The following NALF1 variants were observed in gnomAD, a reference collection of about 807,000 sequenced individuals.
The protein encoded by NALF1 is NALCN channel auxiliary factor 1.
NALF1 carries 3 observed loss-of-function variants against 48.4 expected under a neutral mutation model. That is an observed-to-expected ratio of 0.06 (90% CI 0.03 to 0.16). The LOEUF is 0.16. Ranked by LOEUF, NALF1 falls within the 10% of genes least tolerant of loss-of-function variation. NALF1 has a pLI of 1.00. For synonymous variants in NALF1, 262 were observed against 245.7 expected (o/e 1.07, Z -0.62); for missense variants, 526 against 571.5 (o/e 0.92, Z 0.81).
chr13:107,623,525 A>G (rs1879588228), intron 1 of NALF1, among the ~76,000 whole-genome samples: 1 of 152,168 alleles, frequency 6.6e-6, no homozygotes, highest in Non-Finnish European at 1.5e-5. Context: ...AAGACTTTTA[A>G]GGTCAGAAAT....
At chr13:107,596,291 T>C (rs753942559) in intron 1 of NALF1, among the ~76,000 whole-genome samples, 89 of 152,268 alleles carry the variant, frequency 5.8e-4, no homozygotes, top group Middle Eastern at 3.4e-3. Flanking sequence ...GAATCAGAAA[T>C]ACCATTTGGC....
At chr13:107,292,259 T>C (rs1881635895) in intron 1 of NALF1, among the ~76,000 whole-genome samples, 1 of 152,174 alleles carries the variant, frequency 6.6e-6, no homozygotes, top group Non-Finnish European at 1.5e-5. Flanking sequence ...CTGATACACC[T>C]GTATAGGGCA....
At chr13:107,439,822 A>G (rs1417813439) in intron 1 of NALF1, among the ~76,000 whole-genome samples, 1 of 152,184 alleles carries the variant, frequency 6.6e-6, no homozygotes, top group African/African-American at 2.4e-5. Context: ...GCCAAAGTCA[A>G]TAAATTTACC....
intron 1 of NALF1, among the ~76,000 whole-genome samples, chr13:107,426,823 T>G (rs1264184751): frequency 6.6e-6 from 1 of 152,136 alleles, no homozygotes; most frequent in Non-Finnish European, 1.5e-5. Flanking sequence ...AGCATACTGC[T>G]TGGAAAAACT....
At chr13:107,300,814 G>A (rs939959482) in intron 1 of NALF1, among the ~76,000 whole-genome samples, 1 of 152,132 alleles carries the variant, frequency 6.6e-6, no homozygotes, top group Non-Finnish European at 1.5e-5. Context: ...GGTTTAAAAT[G>A]TATTAGCTAA....
At chr13:107,399,879 C>A (rs541095670) in intron 1 of NALF1, among the ~76,000 whole-genome samples, 2 of 152,044 alleles carry the variant, frequency 1.3e-5, no homozygotes, top group African/African-American at 4.8e-5. Context: ...ATTCTGTGTA[C>A]CATATTGTTG....
At chr13:107,542,844 A>G (rs1877033705) in intron 1 of NALF1, among the ~76,000 whole-genome samples, 1 of 152,106 alleles carries the variant, frequency 6.6e-6, no homozygotes, top group Non-Finnish European at 1.5e-5. Context: ...CTAAAAAGAC[A>G]CTATCATTTA....
rs190155565 is a variant in NALF1 at position 107,592,370 on chromosome 13, C to A, written c.915+273312G>T. On this transcript the variant is annotated intron_variant, in intron 1 of 2. Transcript: ENST00000375915. ...TGCATAGATCTGTAGCTTATTCTAG[C>A]AAGAGGAAGAATTCATTTAAAAAAT... 4.4e-3 allele frequency among the ~76,000 whole-genome samples: 663 copies of A among 151,900 alleles called. 2 individuals are homozygous for A. The highest frequency in any genetic ancestry group is 6.9e-3 in the Middle Eastern group (2 of 288).
At chr13:107,794,659 C>A (rs968449344) in intron 1 of NALF1, among the ~76,000 whole-genome samples, 9 of 146,590 alleles carry the variant, frequency 6.1e-5, no homozygotes, top group Non-Finnish European at 1.1e-4. Flanking sequence ...AAAAAAAAAA[C>A]CTATCATCCC....
At position 107,866,369 on chromosome 13, in the gene NALF1, C is replaced by G. The variant is rs760828314; in HGVS notation, c.228G>C (p.Gln76His). 4 of 1,478,392 alleles carry G rather than the reference C, an allele frequency of 2.7e-6. No individual in the cohort carries two copies. The highest frequency in any genetic ancestry group is 3.9e-5 in the East Asian group (1 of 25,846). 91.6% of individuals were successfully genotyped at this position (1,478,392 alleles called of 1,614,324 possible). A position where few individuals can be genotyped will look rare whatever the true frequency, so the allele number is the denominator to read the frequency against. Reference protein sequence around the residue: ...RARDKEHQQQQRQQQQQQQQQ... With the variant: ...RARDKEHQQQHRQQQQQQQQQ... ...GCTGCTGCTGCTGCTGCTGCTGCCGCTGCTGCTGCTGGTGCTCCTTGTCCC... is the reference window on the plus strand; with the variant it reads ...GCTGCTGCTGCTGCTGCTGCTGCCGGTGCTGCTGCTGGTGCTCCTTGTCCC... The change falls in exon 1 of 3, where the codon CAG becomes CAC. Residue 76 changes from glutamine (Q) to histidine (H), a missense_variant. Coordinates refer to ENST00000375915, the MANE Select transcript of NALF1 (RefSeq NM_001080396.3). This position sits in a 1 kb window ranked among gnomAD's most constrained non-coding sequence, Gnocchi z 4.4.
At chr13:107,693,328 T>TGGGGGGGG (rs1566446153) in intron 1 of NALF1, among the ~76,000 whole-genome samples, 59 of 55,900 alleles carry the variant, frequency 1.1e-3, no homozygotes, top group Middle Eastern at 8.9e-3. Flanking sequence ...TGTCGTAGGG[T>TGGGGGGGG]AGGGGGGGCG....
intron 1 of NALF1, among the ~76,000 whole-genome samples, chr13:107,534,273 T>C (rs1016845915): frequency 1.3e-5 from 2 of 152,138 alleles, no homozygotes; most frequent in Non-Finnish European, 2.9e-5. Context: ...TTCAGAATTT[T>C]TGCCTCATCT....
At chr13:107,781,059 T>C (rs1317770535) in intron 1 of NALF1, among the ~76,000 whole-genome samples, 4 of 152,214 alleles carry the variant, frequency 2.6e-5, no homozygotes, top group South Asian at 2.1e-4. Flanking sequence ...CAAATACTTA[T>C]CAAATTTATA....
rs1884935531 is a variant in NALF1 at position 107,462,495 on chromosome 13, G to C, written c.916-251740C>G. Among the ~76,000 whole-genome samples the C allele has an allele frequency of 3.9e-5, 6 of 152,242 alleles. No homozygotes were observed. In the South Asian group the frequency reaches 1.0e-3, roughly 26 times the overall value. On this transcript the variant is annotated intron_variant, in intron 1 of 2. Transcript: ENST00000375915. ...AAGTAAGAGGAAAATAAAAGAAATG[G>C]GTATGTGAAATGGGTGTAATGACAC... is the stretch of plus-strand genomic sequence containing the variant.
At chr13:107,718,376 T>C (rs945729656) in intron 1 of NALF1, among the ~76,000 whole-genome samples, 1 of 152,174 alleles carries the variant, frequency 6.6e-6, no homozygotes, top group Non-Finnish European at 1.5e-5. Context: ...CCACAGAACC[T>C]GCCTCATTAA....
intron 1 of NALF1, among the ~76,000 whole-genome samples, chr13:107,458,943 A>G (rs573602062): frequency 5.3e-5 from 8 of 152,100 alleles, no homozygotes; most frequent in Non-Finnish European, 1.0e-4. Context: ...CATCCCCCTT[A>G]GTAAGATCTT....
rs555073785 is a variant in NALF1 at position 107,174,359 on chromosome 13, A to AT, written c.1088-3574dup. On this transcript the variant is annotated intron_variant, in intron 2 of 2. Transcript: ENST00000375915. ...AACTTTTATTTTTATTTATTTATTT[A>AT]TTTATTTTTTTTTTTGAGACAGAGT... is the stretch of plus-strand genomic sequence containing the variant. Among the ~76,000 whole-genome samples the AT allele has an allele frequency of 7.4e-3, 1,050 of 141,332 alleles. 14 individuals are homozygous for AT. Among genetic ancestry groups the AT allele is most frequent in the African/African-American group, 0.026 (974 of 37,138 alleles). 92.7% of individuals were successfully genotyped at this position (141,332 alleles called of 152,430 possible). A position where few individuals can be genotyped will look rare whatever the true frequency, so the allele number is the denominator to read the frequency against.
intron 1 of NALF1, among the ~76,000 whole-genome samples, chr13:107,526,274 A>G (rs1876435227): frequency 6.6e-6 from 1 of 152,130 alleles, no homozygotes; most frequent in Non-Finnish European, 1.5e-5. Context: ...ATTTTAAGAT[A>G]TACCTACCAC....
intron 1 of NALF1, among the ~76,000 whole-genome samples, chr13:107,844,042 T>C (rs866182420): frequency 6.6e-6 from 1 of 152,174 alleles, no homozygotes; most frequent in Non-Finnish European, 1.5e-5. Context: ...TTAAATCTTT[T>C]ATGAATCAGT....
Sources: allele counts gnomAD v4.1 joint callset (sites outside exome capture counted in the v4.1 genomes callset), GRCh38; gene constraint gnomAD v4.1.1; non-coding constraint Gnocchi (gnomAD v3.1); transcripts MANE v1.5; gene names NCBI Gene and HGNC (gene_info 2026-07-23, HGNC 2026-07-21).